GNAL: variants seen among roughly 807,000 people sequenced by gnomAD.
The protein encoded by GNAL is G protein subunit alpha L.
Under a neutral mutation model 55.1 loss-of-function variants are expected in GNAL, and 18 were observed. That is an observed-to-expected ratio of 0.33 (90% CI 0.23 to 0.48). The LOEUF is 0.48. GNAL is among the 20% of genes least tolerant of loss of function. The probability of loss-of-function intolerance (pLI) is 0.99; values close to 1 mark genes in which losing one functional copy is unlikely to be tolerated. For synonymous variants in GNAL, 253 were observed against 237.0 expected (o/e 1.07, Z -0.62); for missense variants, 412 against 614.1 (o/e 0.67, Z 3.48).
chr18:11,808,931 A>G (rs1239114297), intron 4 of GNAL, among the ~76,000 whole-genome samples: 2 of 152,254 alleles, frequency 1.3e-5, no homozygotes, highest in Non-Finnish European at 2.9e-5. Context: ...CTCCATTTAT[A>G]GGAAACGTCC....
At chr18:11,859,442 G>T (rs2036080891) in intron 5 of GNAL, among the ~76,000 whole-genome samples, 1 of 152,170 alleles carries the variant, frequency 6.6e-6, no homozygotes, top group African/African-American at 2.4e-5. Flanking sequence ...CACATTCCAG[G>T]CCAGCAACCA....
intron 4 of GNAL, among the ~76,000 whole-genome samples, chr18:11,808,240 A>C (rs899501250): frequency 1.3e-5 from 2 of 152,132 alleles, no homozygotes; most frequent in African/African-American, 2.4e-5. Context: ...GCTCCAAAGC[A>C]AAAGAGCGCC....
rs531067313 is a variant in GNAL, at chr18:11,710,237, A to G, written c.376+20298A>G. ...CTGTGGACCTCAGGAATATTAGCCT[A>G]TAGTTTCTTTTCTTGTAGTGCCTTC... On this transcript the variant is annotated intron_variant, in intron 1 of 11. Coordinates refer to ENST00000334049, the MANE Select transcript of GNAL (RefSeq NM_182978.4). 1.3e-4 allele frequency among the ~76,000 whole-genome samples: 20 copies of G among 152,276 alleles called. 1 individual carries two copies. The South Asian group carries it at 3.1e-3, about 24-fold the overall frequency.
At chr18:11,852,529 T>G (rs2035901854) in intron 5 of GNAL, 1 of 193,800 alleles carries the variant, frequency 5.2e-6, no homozygotes, top group African/African-American at 2.4e-5. Flanking sequence ...AAAGATTACT[T>G]AGTTTGGTTA....
chr18:11,804,190 G>C (rs2034599643), intron 4 of GNAL, among the ~76,000 whole-genome samples: 1 of 125,294 alleles, frequency 8.0e-6, no homozygotes, highest in Non-Finnish European at 1.7e-5. Context: ...TGAAGTACAG[G>C]TGCGGTTTGG....
chr18:11,707,968 G>A (rs565309388), intron 1 of GNAL, among the ~76,000 whole-genome samples: 1 of 152,186 alleles, frequency 6.6e-6, no homozygotes, highest in Admixed American at 6.5e-5. Context: ...TTAGGGCCTT[G>A]TTCCAACTTA....
chr18:11,793,127 C>T (rs1273532044), intron 4 of GNAL, among the ~76,000 whole-genome samples: 1 of 152,086 alleles, frequency 6.6e-6, no homozygotes, highest in Non-Finnish European at 1.5e-5. Context: ...ACATCAAAAG[C>T]TTGAGCAACA....
intron 1 of GNAL, among the ~76,000 whole-genome samples, chr18:11,729,934 G>A (rs1006266326): frequency 3.3e-5 from 5 of 152,166 alleles, no homozygotes; most frequent in Admixed American, 2.6e-4. Context: ...GCCCAAAAAG[G>A]CGAGACATCT....
intron 9 of GNAL, among the ~76,000 whole-genome samples, chr18:11,869,602 A>G (rs1351575947): frequency 6.6e-6 from 1 of 152,234 alleles, no homozygotes; most frequent in East Asian, 1.9e-4. Flanking sequence ...AAATAAATTT[A>G]AGATAGCAGT....
chr18:11,837,144 C>T (rs1273810703), intron 5 of GNAL, among the ~76,000 whole-genome samples: 3 of 152,042 alleles, frequency 2.0e-5, no homozygotes, highest in Admixed American at 6.6e-5. Flanking sequence ...AGACATGCCA[C>T]CACGCCCAGT....
At chr18:11,861,282 G>A (rs770498315) in intron 5 of GNAL, among the ~76,000 whole-genome samples, 4 of 151,710 alleles carry the variant, frequency 2.6e-5, no homozygotes, top group East Asian at 1.9e-4. Context: ...TCCTTCTAGG[G>A]TCCCTGCTGC....
At chr18:11,825,858 T>C (rs1406816188) in intron 5 of GNAL, among the ~76,000 whole-genome samples, 1 of 152,016 alleles carries the variant, frequency 6.6e-6, no homozygotes, top group Non-Finnish European at 1.5e-5. Context: ...TAGAAAATAA[T>C]GGTCCTTAGA....
intron 4 of GNAL, among the ~76,000 whole-genome samples, chr18:11,762,919 G>A (rs1187109305): frequency 6.6e-6 from 1 of 152,178 alleles, no homozygotes; most frequent in Non-Finnish European, 1.5e-5. Flanking sequence ...ATATTAAGGA[G>A]GAGGGAAACC....
In GNAL at chr18:11,880,945, A is replaced by G. The variant is rs1489633210; in HGVS notation, c.1231-44A>G. 5 of 1,592,156 alleles carry G rather than the reference A, an allele frequency of 3.1e-6. No homozygotes were observed. The African/African-American group carries it at 5.4e-5, about 17-fold the overall frequency. Reference sequence around the variant, plus strand: ...GTGGCCTAGTCCTTCCCCAGAGTACATGCTGGGGCCGCGCAGGGCTAGTGC... The same window carrying G: ...GTGGCCTAGTCCTTCCCCAGAGTACGTGCTGGGGCCGCGCAGGGCTAGTGC... On this transcript the variant is annotated intron_variant, in intron 11 of 11. Transcript: ENST00000334049.
At chr18:11,843,776 C>G (rs959217244) in intron 5 of GNAL, among the ~76,000 whole-genome samples, 2 of 150,550 alleles carry the variant, frequency 1.3e-5, no homozygotes, top group Non-Finnish European at 3.0e-5. Context: ...GAGTTTGAGA[C>G]CAGCCTGACT....
At position 11,817,777 on chromosome 18, in the gene GNAL, C is replaced by T. The variant is rs186089330; in HGVS notation, c.625-7141C>T. On this transcript the variant is annotated intron_variant, in intron 4 of 11. Transcript: ENST00000334049. ...CTAATTTTTGTATTTTTAGTAGAGA[C>T]GGGCTTCCACCATGTTGGCCAGGCT... Among the ~76,000 whole-genome samples the T allele has an allele frequency of 3.7e-4, 56 of 151,786 alleles. 1 individual carries two copies. In the East Asian group the frequency reaches 9.7e-3, roughly 26 times the overall value.
chr18:11,791,238 T>C (rs2034226928), intron 4 of GNAL, among the ~76,000 whole-genome samples: 2 of 152,186 alleles, frequency 1.3e-5, no homozygotes. Flanking sequence ...ATGAAAGTAA[T>C]GTTGAAACTC....
Position 11,884,274 on chromosome 18 carries a change from G to A in GNAL, c.*3139G>A. 1 of 646,636 alleles carries A rather than the reference G, an allele frequency of 1.5e-6. No individual in the cohort carries two copies. The highest frequency in any genetic ancestry group is 2.7e-6 in the Non-Finnish European group (1 of 372,784). 40.1% of individuals were successfully genotyped at this position (646,636 alleles called of 1,614,324 possible). A position where few individuals can be genotyped will look rare whatever the true frequency, so the allele number is the denominator to read the frequency against. ...GTACCTGTCCACTTTTATAGCATGAGAACAGTACAATCAACTATTTATTTT... is the reference window on the plus strand; with the variant it reads ...GTACCTGTCCACTTTTATAGCATGAAAACAGTACAATCAACTATTTATTTT... On this transcript the variant is annotated 3_prime_UTR_variant, in exon 12 of 12. Coordinates refer to ENST00000334049, the MANE Select transcript of GNAL (RefSeq NM_182978.4).
chr18:11,753,114 GA>G (rs967320425), intron 2 of GNAL, among the ~76,000 whole-genome samples, 189 bp downstream of exon 2: 174 of 151,264 alleles, frequency 1.2e-3, no homozygotes, highest in African/African-American at 3.2e-3. Flanking sequence ...AGTGTCTAAT[GA>G]AAAAAAAACT....
Sources: gnomAD v4.1 joint callset for allele counts (sites outside exome capture counted in the v4.1 genomes callset) on GRCh38, gnomAD v4.1.1 for gene constraint, MANE v1.5 for transcripts, NCBI Gene and HGNC (gene_info 2026-07-23, HGNC 2026-07-21) for gene names.